The following DLC1 variants were observed in gnomAD, a reference collection of about 807,000 sequenced individuals.
The protein encoded by DLC1 is DLC1 Rho GTPase activating protein.
Under a neutral mutation model 140.3 loss-of-function variants are expected in DLC1, and 54 were observed. The observed-to-expected ratio is 0.38, with a 90% CI of 0.31 to 0.48. The LOEUF (loss-of-function observed/expected upper bound fraction) is 0.48, where lower values mean the gene tolerates loss of function less well. Ranked by LOEUF, DLC1 falls within the 20% of genes least tolerant of loss-of-function variation. The pLI is 0.96. For missense variants in DLC1, 2,536 were observed against 1,907.0 expected (o/e 1.33, Z -6.14); for synonymous variants, 986 against 728.1 (o/e 1.35, Z -5.70).
intron 6 of DLC1, among the ~76,000 whole-genome samples, chr8:13,115,383 G>A (rs1820460534): frequency 6.6e-6 from 1 of 152,198 alleles, no homozygotes; most frequent in Non-Finnish European, 1.5e-5. Flanking sequence ...GTGGCAGGCA[G>A]CAGATGGGGG....
intron 1 of DLC1, among the ~76,000 whole-genome samples, chr8:13,553,624 A>G (rs550033767): frequency 1.3e-5 from 2 of 151,828 alleles, no homozygotes; most frequent in Non-Finnish European, 2.9e-5. Context: ...AAGTGCTTGG[A>G]TTGCAGGCAT....
At chr8:13,098,316 A>AT in intron 10 of DLC1, 83 bp downstream of exon 10, 1 of 1,511,096 alleles carries the variant, frequency 6.6e-7, no homozygotes, top group South Asian at 1.2e-5. Context: ...GAGAAGTGTC[A>AT]TTTTTTACTG....
At chr8:13,088,449 T>A (rs533567281) in intron 16 of DLC1, 38 bp downstream of exon 16, 14 of 1,603,876 alleles carry the variant, frequency 8.7e-6, no homozygotes, top group South Asian at 6.6e-5. Context: ...ATATATGGAG[T>A]CATCCTTGTC....
intron 5 of DLC1, among the ~76,000 whole-genome samples, chr8:13,208,186 T>TTTAA (rs1261280202): frequency 5.9e-5 from 9 of 152,298 alleles, no homozygotes; most frequent in Middle Eastern, 3.4e-3. Flanking sequence ...TGTTTTTAGG[T>TTTAA]ACTAAACTGT....
rs1817940883 is a variant in DLC1 at position 13,090,298 on chromosome 8, C to CA, written c.4027dup (p.Trp1343LeufsTer11). 1.2e-6 allele frequency: 2 copies of CA among 1,614,078 alleles called. No homozygotes were observed. The highest frequency in any genetic ancestry group is 2.7e-5 in the African/African-American group (2 of 74,934). ...CTGCTCCGAAGTGGAGTAGCTGACC[C>CA]AGCCTTTAAACTTCTCTTTGACTTC... On this transcript the variant is annotated frameshift_variant, in exon 15 of 18. Transcript: ENST00000276297. LOFTEE classifies it high-confidence loss of function.
At position 13,169,960 on chromosome 8, in the gene DLC1, C is replaced by T. The variant is rs141928697; in HGVS notation, c.1349-54303G>A. On this transcript the variant is annotated intron_variant, in intron 5 of 17. Coordinates refer to ENST00000276297, the MANE Select transcript of DLC1 (RefSeq NM_182643.3). ...ACTTGAGTCTGGGAGGTCAAGGTGG[C>T]GGTGAGCTGTGATCACCCTGTGGCA... Among the ~76,000 whole-genome samples, 1,481 of 151,768 alleles carry T rather than the reference C, an allele frequency of 9.8e-3. 18 individuals are homozygous for T. The highest frequency in any genetic ancestry group is 0.033 in the African/African-American group (1,372 of 41,366).
At chr8:13,252,877 T>C (rs1299828581) in intron 5 of DLC1, among the ~76,000 whole-genome samples, 1 of 152,174 alleles carries the variant, frequency 6.6e-6, no homozygotes, top group African/African-American at 2.4e-5. Context: ...GTCTATTAAA[T>C]TGGCTCAGAA....
At chr8:13,535,247 G>C (rs180898746) in intron 1 of DLC1, among the ~76,000 whole-genome samples, 10 of 152,190 alleles carry the variant, frequency 6.6e-5, no homozygotes, top group Non-Finnish European at 1.2e-4. Flanking sequence ...CTCTGTGGGT[G>C]CGAGTGTGTG....
chr8:13,382,911 T>A (rs982538702), intron 4 of DLC1, among the ~76,000 whole-genome samples: 6 of 152,194 alleles, frequency 3.9e-5, no homozygotes, highest in Admixed American at 3.3e-4. Context: ...TTGATGAATT[T>A]TGTAACTGTG....
At chr8:13,182,317 T>C (rs1826090154) in intron 5 of DLC1, among the ~76,000 whole-genome samples, 1 of 152,192 alleles carries the variant, frequency 6.6e-6, no homozygotes, top group Non-Finnish European at 1.5e-5. Context: ...AGAAGCTCTT[T>C]AGTTTAATTA....
intron 4 of DLC1, among the ~76,000 whole-genome samples, chr8:13,380,639 C>T (rs1836209418): frequency 6.6e-6 from 1 of 152,170 alleles, no homozygotes; most frequent in Non-Finnish European, 1.5e-5. Flanking sequence ...GTGTTCTTAT[C>T]TCTCAGATGG....
chr8:13,604,154 C>G (rs767014686), intron 1 of DLC1, among the ~76,000 whole-genome samples: 11 of 151,794 alleles, frequency 7.2e-5, no homozygotes, highest in Non-Finnish European at 1.2e-4. Context: ...TTGAAAACTC[C>G]AACACATTAT....
chr8:13,570,659 T>G (rs551126072), intron 1 of DLC1, among the ~76,000 whole-genome samples: 2 of 151,674 alleles, frequency 1.3e-5, no homozygotes, highest in African/African-American at 4.8e-5. Flanking sequence ...TATTCCATGG[T>G]GTATATGTGC....
At position 13,450,315 on chromosome 8, in the gene DLC1, C is replaced by T. The variant is rs375772466; in HGVS notation, c.1024-48696G>A. Among the ~76,000 whole-genome samples, 733 of 151,442 alleles carry T rather than the reference C, an allele frequency of 4.8e-3. 5 individuals are homozygous for T. Among genetic ancestry groups the T allele is most frequent in the African/African-American group, 0.017 (699 of 41,294 alleles). ...ACTAAAAATATAAAAATTAGCTGGG[C>T]ATGGTGGCGGGTGACTGTAATCCTA... On this transcript the variant is annotated intron_variant, in intron 2 of 17. Transcript: ENST00000276297.
In DLC1 at chr8:13,401,479, C is replaced by T. The variant is rs771952471; in HGVS notation, c.1164G>A (p.Arg388=). ...SPSGTPTNLR[R]HVPDLESGSE... ...AAAGTGGAAAGCTCACAGGAACGTG[C>T]CGCCGCAGGTTTGTTGGTGTGCCTG... The change falls in exon 3 of 18, where the codon CGG becomes CGA. Residue 388 remains arginine (R), a synonymous_variant. Transcript: ENST00000276297. The T allele has an allele frequency of 1.2e-6, 2 of 1,612,000 alleles. No homozygotes were observed. Among genetic ancestry groups the T allele is most frequent in the African/African-American group, 2.7e-5 (2 of 74,838 alleles).
chr8:13,239,835 C>T (rs1407490196), intron 5 of DLC1, among the ~76,000 whole-genome samples: 1 of 152,138 alleles, frequency 6.6e-6, no homozygotes, highest in Non-Finnish European at 1.5e-5. Flanking sequence ...ATGCACTCCT[C>T]AAACAACAAA....
intron 5 of DLC1, among the ~76,000 whole-genome samples, chr8:13,126,852 T>C (rs577727879): frequency 2.0e-5 from 3 of 152,352 alleles, no homozygotes; most frequent in East Asian, 1.9e-4. Flanking sequence ...ATTGCAACAC[T>C]GTAAAACCTT....
rs201802566 is a variant in DLC1, at chr8:13,499,955, G to A, written c.117C>T (p.Ser39=). 1 of 1,613,990 alleles carries A rather than the reference G, an allele frequency of 6.2e-7. No individual in the cohort carries two copies. Among genetic ancestry groups the A allele is most frequent in the African/African-American group, 1.3e-5 (1 of 74,932 alleles). ...CATCTTTTTCCATACTTGCCTGCAA[G>A]CTGTCAGCTACTAGTCCATGATGAC... ...TACHHGLVAD[S]LQASMEKDAT... Residue 39 remains serine, a synonymous_variant, in exon 2 of 18, where the codon AGC becomes AGT. Transcript: ENST00000276297.
chr8:13,526,410 G>T (rs900387272), intron 1 of DLC1, among the ~76,000 whole-genome samples: 1 of 152,072 alleles, frequency 6.6e-6, no homozygotes, highest in African/African-American at 2.4e-5. Flanking sequence ...CTGACATCTT[G>T]ATAATATTGA....
Sources: allele counts gnomAD v4.1 joint callset (sites outside exome capture counted in the v4.1 genomes callset), GRCh38; gene constraint gnomAD v4.1.1; transcripts MANE v1.5; gene names NCBI Gene and HGNC (gene_info 2026-07-23, HGNC 2026-07-21).